RNF213: variants seen among roughly 807,000 people sequenced by gnomAD.
RNF213 encodes the protein E3 ubiquitin-protein ligase RNF213.
Under a neutral mutation model 514.4 loss-of-function variants are expected in RNF213, and 341 were observed. That is an observed-to-expected ratio of 0.66 (90% CI 0.61 to 0.73). The LOEUF is 0.73. RNF213 is among the 30% of genes least tolerant of loss of function. The pLI, the probability that RNF213 is intolerant of heterozygous loss-of-function variation, is 0.00. For synonymous variants in RNF213, 2,655 were observed against 2,658.2 expected, an observed-to-expected ratio of 1.00 and a Z score of 0.04; for missense variants, 5,767 against 6,615.6, an observed-to-expected ratio of 0.87 and a Z score of 4.45.
At chr17:80,384,040 G>A in intron 59 of RNF213, 112 bp downstream of exon 59, 1 of 1,371,922 alleles carries the variant, frequency 7.3e-7, no homozygotes, top group Non-Finnish European at 1.0e-6. Flanking sequence ...CTATTCCAGT[G>A]CTTTGGTTTT....
At chr17:80,313,834 T>G (rs1338183673) in intron 15 of RNF213, among the ~76,000 whole-genome samples, 4 of 52,274 alleles carry the variant, frequency 7.7e-5, no homozygotes, top group East Asian at 6.2e-4. Context: ...GTGGTGGAGG[T>G]GATGGTGGAG....
chr17:80,332,582 G>A lies in RNF213; in HGVS notation c.4094G>A (p.Ser1365Asn). The change falls in exon 21 of 68, where the codon AGC becomes AAC. Residue 1365 changes from serine (S) to asparagine (N), a missense_variant. By Grantham distance (46) the Ser-to-Asn change is conservative. Coordinates refer to ENST00000582970, the MANE Select transcript of RNF213 (RefSeq NM_001256071.3). ...AAGGTCATCTTGCAGGTCAAAGAGAGCCTGGGACTGAACGGTGACTTCAGT... is the reference window on the plus strand; with the variant it reads ...AAGGTCATCTTGCAGGTCAAAGAGAACCTGGGACTGAACGGTGACTTCAGT... ...AAKVILQVKESLGLNGDFSVL... is the reference protein window; with the variant it reads ...AAKVILQVKENLGLNGDFSVL... The A allele has an allele frequency of 1.3e-6, 2 of 1,528,986 alleles. No individual in the cohort carries two copies. Among genetic ancestry groups the A allele is most frequent in the Non-Finnish European group, 1.8e-6 (2 of 1,141,884 alleles). 94.7% of individuals were successfully genotyped at this position (1,528,986 alleles called of 1,614,324 possible).
Position 80,394,121 on chromosome 17 carries a change from G to C in RNF213, c.*623G>C, listed in dbSNP as rs187300629. On this transcript the variant is annotated 3_prime_UTR_variant, in exon 68 of 68. Transcript: ENST00000582970. The stretch of plus-strand genomic sequence containing the variant: ...GCCACTGCCCCACTTCAGAGGGTAA[G>C]AGCCAAAAGCCTCATTGTGAAAGGC... 2.2e-3 allele frequency: 335 copies of C among 153,910 alleles called. 3 individuals are homozygous for C. The highest frequency in any genetic ancestry group is 7.7e-3 in the African/African-American group (320 of 41,582). The allele number at this position is 153,910 out of a possible 1,614,324, so 9.5% of individuals were successfully genotyped here.
intron 9 of RNF213, 134 bp from the exon 10 acceptor site, chr17:80,295,423 C>T (rs2044898783): frequency 7.0e-6 from 8 of 1,138,226 alleles, no homozygotes; most frequent in Non-Finnish European, 1.0e-5. Context: ...GCAGCTCCTC[C>T]TGTGGCTCTC....
rs201281529 is a variant in RNF213, at chr17:80,312,943, T to C, written c.2656-69T>C. ...TGCCAGCAGGGAGGAGAGGAGGGGG[T>C]GCAGCATCTCGCCGGGAACCTGAGT... On this transcript the variant is annotated intron_variant, in intron 14 of 67. Coordinates refer to ENST00000582970, the MANE Select transcript of RNF213 (RefSeq NM_001256071.3). 2.3e-3 allele frequency: 3,697 copies of C among 1,574,546 alleles called. 7 individuals carry two copies. Among genetic ancestry groups the C allele is most frequent in the Admixed American group, 3.9e-3 (232 of 59,686 alleles).
intron 23 of RNF213, chr17:80,336,871 A>T (rs2078001547): frequency 8.9e-6 from 2 of 225,398 alleles, no homozygotes; most frequent in Admixed American, 5.3e-5. Flanking sequence ...ACTGTACTCC[A>T]GCCTGAGTGA....
rs2080178829 is a variant in RNF213, at chr17:80,385,079, T to C, written c.14363T>C (p.Leu4788Ser). ...CTGGTAAAGTTCCTGCCTGAGATTT[T>C]GGCCTTGCAAAGGGATCTAGTGAAG... ...LRLVKFLPEI[L>S]ALQRDLVKQF... The change falls in exon 60 of 68, where the codon TTG (leucine) becomes TCG (serine). Residue 4788 changes from leucine (L) to serine (S), a missense_variant. Physicochemically the swap from Leu to Ser is moderately radical, Grantham distance 145 (BLOSUM62 -2). Around this residue, in one of 13 missense-constraint regions of RNF213, gnomAD observed 1,245 missense variants for 1,339.0 expected, o/e 0.93. Transcript: ENST00000582970. 2 of 1,614,080 alleles carry C rather than the reference T, an allele frequency of 1.2e-6. No individual in the cohort carries two copies.
At position 80,288,947 on chromosome 17, in the gene RNF213, C is replaced by T. The variant is rs532077936; in HGVS notation, c.933+192C>T. On this transcript the variant is annotated intron_variant, in intron 5 of 67. Coordinates refer to ENST00000582970, the MANE Select transcript of RNF213 (RefSeq NM_001256071.3). The surrounding 1 kb of genome is among the most constrained non-coding windows in gnomAD (Gnocchi z 4.9). ...AAACCGACTTCAGCGGTGAGAAGAG[C>T]GTGGAGGGAGGGAGAGAGGGCACCC... Among the ~76,000 whole-genome samples, 10 of 152,290 alleles carry T rather than the reference C, an allele frequency of 6.6e-5. No individual in the cohort carries two copies. The highest frequency in any genetic ancestry group is 2.1e-4 in the South Asian group (1 of 4,832).
intron 11 of RNF213, among the ~76,000 whole-genome samples, chr17:80,302,760 T>A (rs924438705): frequency 9.9e-5 from 15 of 152,112 alleles, no homozygotes; most frequent in African/African-American, 3.6e-4. Context: ...CTTGGGAGGC[T>A]TACATGAGAG....
rs1024000648 is a variant in RNF213, at chr17:80,264,829, C to T, written c.97+1051C>T. ...ATAGACGGCTGCCCACCCCATTCCT[C>T]TTGGCTCCCTCTCCTGTCCCCAGAG... On this transcript the variant is annotated intron_variant, in intron 2 of 67. Transcript: ENST00000582970. The surrounding 1 kb of genome is among the most constrained non-coding windows in gnomAD (Gnocchi z 5.0). Among the ~76,000 whole-genome samples the T allele has an allele frequency of 3.9e-5, 6 of 152,110 alleles. No homozygotes were observed. Among genetic ancestry groups the T allele is most frequent in the Non-Finnish European group, 7.3e-5 (5 of 68,028 alleles).
In RNF213 at chr17:80,383,082, G is replaced by C. The variant is rs1245931131; in HGVS notation, c.14070+12G>C. ...CTCCTGAACTGGAGGTAAGCAGTAA[G>C]TGCTGACAGCTGGGTTGCTCCTCGG... On this transcript the variant is annotated intron_variant, in intron 58 of 67. Transcript: ENST00000582970. 6.3e-7 allele frequency: 1 copy of C among 1,595,292 alleles called. No homozygotes were observed.
intron 17 of RNF213, among the ~76,000 whole-genome samples, chr17:80,322,339 A>T (rs1325501200): frequency 6.6e-6 from 1 of 151,588 alleles, no homozygotes; most frequent in African/African-American, 2.4e-5. Context: ...TAAAAAAAAA[A>T]TTTCTGTGGG....
At position 80,371,874 on chromosome 17, in the gene RNF213, C is replaced by G; in HGVS notation, c.12426C>G (p.Ser4142Arg). 1 of 1,411,502 alleles carries G rather than the reference C, an allele frequency of 7.1e-7. No homozygotes were observed. Among genetic ancestry groups the G allele is most frequent in the South Asian group, 1.2e-5 (1 of 86,658 alleles). The allele number at this position is 1,411,502 out of a possible 1,614,324, so 87.4% of individuals were successfully genotyped here. A position where few individuals can be genotyped will look rare whatever the true frequency, so the allele number is the denominator to read the frequency against. Residue 4142 changes from serine to arginine, a missense_variant and splice_region_variant, in exon 47 of 68, where the codon AGC becomes AGG. By Grantham distance (110) the Ser-to-Arg change is moderately radical. Coordinates refer to ENST00000582970, the MANE Select transcript of RNF213 (RefSeq NM_001256071.3). ...AGGAATAATATTTCTCTTTCTGCAGCTTTCATGATGTAAAAGATTATATTC... is the reference window on the plus strand; with the variant it reads ...AGGAATAATATTTCTCTTTCTGCAGGTTTCATGATGTAAAAGATTATATTC... Reference protein sequence around the residue: ...SVILKLLLKYSFHDVKDYIQE... With the variant: ...SVILKLLLKYRFHDVKDYIQE...
intron 23 of RNF213, among the ~76,000 whole-genome samples, chr17:80,337,323 T>C (rs1379135496): frequency 6.6e-6 from 1 of 152,158 alleles, no homozygotes; most frequent in African/African-American, 2.4e-5. Flanking sequence ...GTAAGTCAAG[T>C]GCCCCCATGT....
Position 80,383,770 on chromosome 17 carries a change from C to T in RNF213, c.14164C>T (p.Pro4722Ser). 1 of 1,614,090 alleles carries T rather than the reference C, an allele frequency of 6.2e-7. No individual in the cohort carries two copies. The highest frequency in any genetic ancestry group is 1.3e-5 in the African/African-American group (1 of 75,012). Residue 4722 changes from proline to serine, a missense_variant, in exon 59 of 68, where the codon CCA becomes TCA. Physicochemically the swap from Pro to Ser is moderately conservative, Grantham distance 74. Around this residue, in one of 13 missense-constraint regions of RNF213, gnomAD observed 1,245 missense variants for 1,339.0 expected, o/e 0.93. Coordinates refer to ENST00000582970, the MANE Select transcript of RNF213 (RefSeq NM_001256071.3). ...NPVAKIIYGDPVTFLPHLPRK... is the reference protein window; with the variant it reads ...NPVAKIIYGDSVTFLPHLPRK... ...TGTGGCCAAAATAATATATGGTGAC[C>T]CAGTGACCTTCCTGCCCCACCTGCC...
rs1207499769 is a variant in RNF213 at position 80,345,358 on chromosome 17, C to G, written c.7023C>G (p.Ile2341Met). The change falls in exon 29 of 68, where the codon ATC becomes ATG. Residue 2341 changes from isoleucine (I) to methionine (M), a missense_variant. Ile to Met is a conservative substitution (Grantham distance 10). Coordinates refer to ENST00000582970, the MANE Select transcript of RNF213 (RefSeq NM_001256071.3). This position sits in a 1 kb window ranked among gnomAD's most constrained non-coding sequence, Gnocchi z 6.0. ...TCAGTCACTTGACTGGGAAGGTCAT[C>G]AAGAGAGACGTCATGACCAGGGACC... ...DAISHLTGKV[I>M]KRDVMTRDLY... 6.2e-7 allele frequency: 1 copy of G among 1,614,124 alleles called. No homozygotes were observed. The highest frequency in any genetic ancestry group is 1.7e-5 in the Admixed American group (1 of 60,026).
chr17:80,381,122 A>G, intron 56 of RNF213, 135 bp downstream of exon 56: 1 of 925,848 alleles, frequency 1.1e-6, no homozygotes, highest in Non-Finnish European at 1.8e-6. Flanking sequence ...GTAATATACA[A>G]GTTATACATC....
At position 80,275,644 on chromosome 17, in the gene RNF213, G is replaced by A. The variant is rs150856047; in HGVS notation, c.261+2240G>A. Among the ~76,000 whole-genome samples the A allele has an allele frequency of 9.2e-5, 14 of 152,084 alleles. No homozygotes were observed. The East Asian group carries it at 2.3e-3, about 25-fold the overall frequency. ...GGGCCAGTCTACAGAGACTGAGAGA[G>A]TATTATTTTTTCTTTATTTTATTTT... On this transcript the variant is annotated intron_variant, in intron 3 of 67. Transcript: ENST00000582970.
chr17:80,334,657 C>G (rs1391048821), intron 22 of RNF213, among the ~76,000 whole-genome samples: 1 of 151,516 alleles, frequency 6.6e-6, no homozygotes, highest in African/African-American at 2.4e-5. Context: ...GACAGAGTCT[C>G]GCTCTGTCGC....
Sources: allele counts gnomAD v4.1 joint callset (sites outside exome capture counted in the v4.1 genomes callset), GRCh38; gene constraint gnomAD v4.1.1; regional missense constraint gnomAD v4.1.1; non-coding constraint Gnocchi (gnomAD v3.1); transcripts MANE v1.5; gene names NCBI Gene and HGNC (gene_info 2026-07-23, HGNC 2026-07-21).